Variants in KLHDC7A observed in about 807,000 individuals in gnomAD.
KLHDC7A encodes kelch domain-containing protein 7A.
For missense variants in KLHDC7A, 1,123 were observed against 1,052.6 expected, an observed-to-expected ratio of 1.07 and a Z score of -0.93; for synonymous variants, 464 against 461.0, an observed-to-expected ratio of 1.01 and a Z score of -0.08.
At position 18,483,091 on chromosome 1, in the gene KLHDC7A, G is replaced by A. The variant is rs1411504949; in HGVS notation, c.2110G>A (p.Glu704Lys). 1.2e-6 allele frequency: 2 copies of A among 1,613,826 alleles called. No homozygotes were observed. Among genetic ancestry groups the A allele is most frequent in the Non-Finnish European group, 1.7e-6 (2 of 1,180,006 alleles). The change falls in exon 1 of 1, where the codon GAG becomes AAG. Residue 704 changes from glutamate to lysine, a missense_variant. By Grantham distance (56) the Glu-to-Lys change is moderately conservative. Transcript: ENST00000400664. ...RCSASTRLWY[E>K]CATYRTPYPD... ...CAGCGCCAGCACCCGGCTCTGGTAC[G>A]AGTGCGCCACGTACCGGACGCCTTA...
Position 18,482,325 on chromosome 1 carries a change from G to T in KLHDC7A, c.1344G>T (p.Glu448Asp). The change falls in exon 1 of 1, where the codon GAG (glutamate) becomes GAT (aspartate). Residue 448 changes from glutamate to aspartate, a missense_variant. Transcript: ENST00000400664. ...CCTTGGCCAAGAGGCAGAACCTGGAGGCCCTGAAAGAGGCGGCCTACAAGG... is the reference window on the plus strand; with the variant it reads ...CCTTGGCCAAGAGGCAGAACCTGGATGCCCTGAAAGAGGCGGCCTACAAGG... ...VLTLAKRQNL[E>D]ALKEAAYKVM... 6.2e-7 allele frequency: 1 copy of T among 1,602,184 alleles called. No homozygotes were observed. Among genetic ancestry groups the T allele is most frequent in the East Asian group, 2.2e-5 (1 of 44,868 alleles).
rs34109355 is a variant in KLHDC7A, at chr1:18,481,126, G to C, written c.145G>C (p.Gly49Arg). Residue 49 changes from glycine to arginine, a missense_variant, in exon 1 of 1, where the codon GGT becomes CGT. Gly to Arg is a moderately radical substitution (Grantham distance 125). Transcript: ENST00000400664. Reference protein sequence around the residue: ...KSRPAPAQRWGGNGQAEAKEE... With the variant: ...KSRPAPAQRWRGNGQAEAKEE... ...GAGGCCTGCCCCAGCCCAGCGGTGG[G>C]GTGGGAATGGCCAGGCAGAAGCCAA... 192,475 of 1,613,390 alleles carry C rather than the reference G, an allele frequency of 0.12. 11,947 individuals carry two copies. The highest frequency in any genetic ancestry group is 0.15 in the Admixed American group (8,953 of 59,948).
chr1:18,480,968 T>G lies in KLHDC7A; in HGVS notation c.-14T>G, dbSNP rs1448906060. ...ATTCTTGACATTCCTCAGCCCCAGG[T>G]TGGCTGGAGAAGCATGTTCCCCAGA... On this transcript the variant is annotated 5_prime_UTR_variant, in exon 1 of 1. Transcript: ENST00000400664. 1 of 1,558,172 alleles carries G rather than the reference T, an allele frequency of 6.4e-7. No homozygotes were observed.
chr1:18,480,946 C>A lies in KLHDC7A; in HGVS notation c.-36C>A. On this transcript the variant is annotated 5_prime_UTR_variant, in exon 1 of 1. Coordinates refer to ENST00000400664, the MANE Select transcript of KLHDC7A (RefSeq NM_152375.3). ...CTACTGGGCAATTATTAATCAGATT[C>A]TTGACATTCCTCAGCCCCAGGTTGG... 1 of 1,525,592 alleles carries A rather than the reference C, an allele frequency of 6.6e-7. No individual in the cohort carries two copies. The highest frequency in any genetic ancestry group is 8.8e-7 in the Non-Finnish European group (1 of 1,130,302). 94.5% of individuals were successfully genotyped at this position (1,525,592 alleles called of 1,614,324 possible).
In KLHDC7A at chr1:18,482,446, C is replaced by T. The variant is rs371779781; in HGVS notation, c.1465C>T (p.Arg489Trp). The change falls in exon 1 of 1, where the codon CGG becomes TGG. Residue 489 changes from arginine (R) to tryptophan (W), a missense_variant. Transcript: ENST00000400664. ...CGAGCTGATCCTGCAGCGCCGGCTC[C>T]GGGGCCGCCAGTACCTGGTGGTGGC... ...ERELILQRRL[R>W]GRQYLVVADV... The T allele has an allele frequency of 6.8e-5, 109 of 1,610,098 alleles. No individual in the cohort carries two copies. Among genetic ancestry groups the T allele is most frequent in the Non-Finnish European group, 4.1e-5 (48 of 1,179,826 alleles).
rs2086912014 is a variant in KLHDC7A at position 18,483,280 on chromosome 1, T to C, written c.2299T>C (p.Leu767=). 6.2e-7 allele frequency: 1 copy of C among 1,613,418 alleles called. No individual in the cohort carries two copies. Among genetic ancestry groups the C allele is most frequent in the Non-Finnish European group, 8.5e-7 (1 of 1,179,922 alleles). Residue 767 remains leucine, a synonymous_variant, in exon 1 of 1, where the codon TTG becomes CTG. Transcript: ENST00000400664. Reference sequence around the variant, plus strand: ...CACCCTCCTGCCCACCGTCCTGACCTTGCCCACCCCCGATTTGCCTCAGAC... The same window carrying C: ...CACCCTCCTGCCCACCGTCCTGACCCTGCCCACCCCCGATTTGCCTCAGAC... ...QGTLLPTVLT[L]PTPDLPQTRV
In KLHDC7A at chr1:18,483,074, G is replaced by C; in HGVS notation, c.2093G>C (p.Ser698Thr). 6.2e-7 allele frequency: 1 copy of C among 1,613,750 alleles called. No homozygotes were observed. The highest frequency in any genetic ancestry group is 8.5e-7 in the Non-Finnish European group (1 of 1,180,004). Reference protein sequence around the residue: ...LGIAVYRCSASTRLWYECATY... With the variant: ...LGIAVYRCSATTRLWYECATY... ...ATCGCCGTGTACCGCTGCAGCGCCA[G>C]CACCCGGCTCTGGTACGAGTGCGCC... Residue 698 changes from serine to threonine, a missense_variant, in exon 1 of 1, where the codon AGC (serine) becomes ACC (threonine). By Grantham distance (58) the Ser-to-Thr change is moderately conservative. Transcript: ENST00000400664.
At position 18,483,756 on chromosome 1, in the gene KLHDC7A, A is replaced by C; in HGVS notation, c.*441A>C. The stretch of plus-strand genomic sequence containing the variant: ...GAGCCATCAGTGCCCCTTCCTAAAC[A>C]TCAGCCACTGGGCCCCACCTCCACA... On this transcript the variant is annotated 3_prime_UTR_variant, in exon 1 of 1. Coordinates refer to ENST00000400664, the MANE Select transcript of KLHDC7A (RefSeq NM_152375.3). The C allele has an allele frequency of 8.3e-7, 1 of 1,200,596 alleles. No individual in the cohort carries two copies. Among genetic ancestry groups the C allele is most frequent in the Non-Finnish European group, 1.1e-6 (1 of 941,620 alleles). 74.4% of individuals were successfully genotyped at this position (1,200,596 alleles called of 1,614,324 possible).
In KLHDC7A at chr1:18,481,239, C is replaced by T; in HGVS notation, c.258C>T (p.Ser86=). The T allele has an allele frequency of 6.3e-7, 1 of 1,584,872 alleles. No individual in the cohort carries two copies. The highest frequency in any genetic ancestry group is 1.2e-5 in the South Asian group (1 of 86,610). ...GGGGGCCAAGACGTCGGAGGAGCAG[C>T]AAGCGGGCTGAAGCACCACAGGGCT... ...LLRGPRRRRS[S]KRAEAPQGCS... Residue 86 remains serine (S), a synonymous_variant, in exon 1 of 1, where the codon AGC becomes AGT. Coordinates refer to ENST00000400664, the MANE Select transcript of KLHDC7A (RefSeq NM_152375.3).
rs2992755 is a variant in KLHDC7A at position 18,481,403 on chromosome 1, C to A, written c.422C>A (p.Pro141His). 1.2e-6 allele frequency: 2 copies of A among 1,613,206 alleles called. No individual in the cohort carries two copies. Among genetic ancestry groups the A allele is most frequent in the Admixed American group, 1.7e-5 (1 of 59,994 alleles). Residue 141 changes from proline to histidine, a missense_variant, in exon 1 of 1, where the codon CCC becomes CAC. Pro to His is a moderately conservative substitution (Grantham distance 77). Coordinates refer to ENST00000400664, the MANE Select transcript of KLHDC7A (RefSeq NM_152375.3). The part of the protein sequence containing the change: ...SDSEQVPPCC[P>H]SQETRTAVGS... ...TCTGAGCAGGTGCCTCCTTGCTGCC[C>A]CAGCCAGGAAACCAGAACAGCTGTT...
chr1:18,482,141 C>T lies in KLHDC7A; in HGVS notation c.1160C>T (p.Pro387Leu), dbSNP rs1182733251. Residue 387 changes from proline (P) to leucine (L), a missense_variant, in exon 1 of 1, where the codon CCA (proline) becomes CTA (leucine). Pro to Leu is a moderately conservative substitution (Grantham distance 98, BLOSUM62 -3). Coordinates refer to ENST00000400664, the MANE Select transcript of KLHDC7A (RefSeq NM_152375.3). Reference sequence around the variant, plus strand: ...CCAGATGGCTTCCGGCTCCCCGCTCCACCCTGCCCAGACCCGGGCGCCCTG... The same window carrying T: ...CCAGATGGCTTCCGGCTCCCCGCTCTACCCTGCCCAGACCCGGGCGCCCTG... ...LQPDGFRLPA[P>L]PCPDPGALPG... 1 of 1,611,724 alleles carries T rather than the reference C, an allele frequency of 6.2e-7. No individual in the cohort carries two copies. The highest frequency in any genetic ancestry group is 8.5e-7 in the Non-Finnish European group (1 of 1,179,614).
rs1340660311 is a variant in KLHDC7A at position 18,482,706 on chromosome 1, G to C, written c.1725G>C (p.Leu575=). The change falls in exon 1 of 1, where the codon CTG becomes CTC. Residue 575 remains leucine, a synonymous_variant. Coordinates refer to ENST00000400664, the MANE Select transcript of KLHDC7A (RefSeq NM_152375.3). ...GGATCTGGAGCGAGGTGTGCCCGCT[G>C]AACCAGGCCCGGCCGCACTGCCGGC... ...LTGIWSEVCP[L]NQARPHCRLV... is the part of the protein sequence containing the mutation. 2 of 1,609,940 alleles carry C rather than the reference G, an allele frequency of 1.2e-6. No homozygotes were observed. The highest frequency in any genetic ancestry group is 4.5e-5 in the East Asian group (2 of 44,806).
rs2086898082 is a variant in KLHDC7A at position 18,482,272 on chromosome 1, G to A, written c.1291G>A (p.Asp431Asn). 1.2e-6 allele frequency: 2 copies of A among 1,604,212 alleles called. No individual in the cohort carries two copies. The highest frequency in any genetic ancestry group is 1.7e-6 in the Non-Finnish European group (2 of 1,179,956). Reference protein sequence around the residue: ...TPASAPQVRLDLGNCYEVLTL... With the variant: ...TPASAPQVRLNLGNCYEVLTL... ...TGCTTCAGCCCCACAGGTCCGCCTG[G>A]ATCTGGGCAATTGCTATGAGGTGCT... Residue 431 changes from aspartate to asparagine, a missense_variant, in exon 1 of 1, where the codon GAT becomes AAT. Asp to Asn is a conservative substitution (Grantham distance 23). Coordinates refer to ENST00000400664, the MANE Select transcript of KLHDC7A (RefSeq NM_152375.3).
chr1:18,483,850 G>T lies in KLHDC7A; in HGVS notation c.*535G>T, dbSNP rs2992740. On this transcript the variant is annotated 3_prime_UTR_variant, in exon 1 of 1. Coordinates refer to ENST00000400664, the MANE Select transcript of KLHDC7A (RefSeq NM_152375.3). ...AGGTGACTTGGGCAGGGCCAGGAAG[G>T]AGCCGAGGGAGCCCCAGGGGCCCTG... 711,421 of 1,248,472 alleles carry T rather than the reference G, an allele frequency of 0.57. 205,036 individuals are homozygous for T. The highest frequency in any genetic ancestry group is 0.9 in the East Asian group (15,806 of 17,656). The allele number at this position is 1,248,472 out of a possible 1,614,324, so 77.3% of individuals were successfully genotyped here. A position where few individuals can be genotyped will look rare whatever the true frequency, so the allele number is the denominator to read the frequency against.
rs753829196 is a variant in KLHDC7A, at chr1:18,482,005, G to T, written c.1024G>T (p.Ala342Ser). The T allele has an allele frequency of 1.1e-5, 18 of 1,612,758 alleles. No homozygotes were observed. The highest frequency in any genetic ancestry group is 3.3e-4 in the Middle Eastern group (2 of 6,080). The change falls in exon 1 of 1, where the codon GCA (alanine) becomes TCA (serine). Residue 342 changes from alanine to serine, a missense_variant. Ala to Ser is a moderately conservative substitution (Grantham distance 99). Transcript: ENST00000400664. ...AGGCCAAGCCGGTGACACAAAGGGT[G>T]CAGCCGAAAGAGCCGCCTCCCCGCA... ...SGGQAGDTKGAAERAASPQTG... is the reference protein window; with the variant it reads ...SGGQAGDTKGSAERAASPQTG...
chr1:18,480,959 A>G lies in KLHDC7A; in HGVS notation c.-23A>G. On this transcript the variant is annotated 5_prime_UTR_variant, in exon 1 of 1. Transcript: ENST00000400664. ...ATTAATCAGATTCTTGACATTCCTCAGCCCCAGGTTGGCTGGAGAAGCATG... is the reference window on the plus strand; with the variant it reads ...ATTAATCAGATTCTTGACATTCCTCGGCCCCAGGTTGGCTGGAGAAGCATG... 3 of 1,542,578 alleles carry G rather than the reference A, an allele frequency of 1.9e-6. No homozygotes were observed. The highest frequency in any genetic ancestry group is 2.6e-6 in the Non-Finnish European group (3 of 1,141,338).
At position 18,482,772 on chromosome 1, in the gene KLHDC7A, G is replaced by C. The variant is rs772798174; in HGVS notation, c.1791G>C (p.Glu597Asp). 1 of 1,610,126 alleles carries C rather than the reference G, an allele frequency of 6.2e-7. No individual in the cohort carries two copies. ...GGCACCTGTATGCCATCGGCGGAGA[G>C]TGTCTGAACTCGGTGGAGCGTTACG... Reference protein sequence around the residue: ...LDGHLYAIGGECLNSVERYDP... With the variant: ...LDGHLYAIGGDCLNSVERYDP... Residue 597 changes from glutamate to aspartate, a missense_variant, in exon 1 of 1, where the codon GAG becomes GAC. Glu to Asp is a conservative substitution (Grantham distance 45). Transcript: ENST00000400664.
rs1165317717 is a variant in KLHDC7A, at chr1:18,482,585, T to A, written c.1604T>A (p.Ile535Asn). The change falls in exon 1 of 1, where the codon ATC becomes AAC. Residue 535 changes from isoleucine to asparagine, a missense_variant. Physicochemically the swap from Ile to Asn is moderately radical, Grantham distance 149 (BLOSUM62 -3). Transcript: ENST00000400664. ...PPEAVSRGCA[I>N]CSLFNYLFVV... ...GAGGCCGTGTCCCGGGGCTGTGCCA[T>A]CTGCAGTCTCTTCAATTATCTCTTC... 1 of 1,611,656 alleles carries A rather than the reference T, an allele frequency of 6.2e-7. No homozygotes were observed. Among genetic ancestry groups the A allele is most frequent in the Admixed American group, 1.7e-5 (1 of 60,022 alleles).
Position 18,482,679 on chromosome 1 carries a change from G to C in KLHDC7A, c.1698G>C (p.Thr566=), listed in dbSNP as rs761390895. ...SSRVFCYNPL[T]GIWSEVCPLN... is the part of the protein sequence containing the mutation. ...GCGTCTTCTGCTACAACCCGCTCAC[G>C]GGGATCTGGAGCGAGGTGTGCCCGC... Residue 566 remains threonine, a synonymous_variant, in exon 1 of 1, where the codon ACG becomes ACC. Coordinates refer to ENST00000400664, the MANE Select transcript of KLHDC7A (RefSeq NM_152375.3). 6.2e-7 allele frequency: 1 copy of C among 1,609,270 alleles called. No individual in the cohort carries two copies. Among genetic ancestry groups the C allele is most frequent in the South Asian group, 1.1e-5 (1 of 90,904 alleles).
Sources: gnomAD v4.1 joint callset for allele counts on GRCh38, gnomAD v4.1.1 for gene constraint, MANE v1.5 for transcripts, NCBI Gene and HGNC (gene_info 2026-07-23, HGNC 2026-07-21) for gene names.